The following NCR3 variants were observed in gnomAD, a reference collection of about 807,000 sequenced individuals.
The protein encoded by NCR3 is natural cytotoxicity triggering receptor 3.
A neutral mutation model predicts 16.1 loss-of-function variants in NCR3; 13 were observed. The ratio of observed to expected loss-of-function variants is 0.81; its 90% CI spans 0.53 to 1.28. The LOEUF is 1.28. Among genes scored for constraint, NCR3 ranks in the 50% most tolerant of loss-of-function variants. The pLI is 0.00. For synonymous variants in NCR3, 98 were observed against 106.6 expected (o/e 0.92, Z 0.50); for missense variants, 202 against 256.8 (o/e 0.79, Z 1.46).
At position 31,589,157 on chromosome 6, in the gene NCR3, T is replaced by TGG. The variant is rs1310130559; in HGVS notation, c.514_515dup (p.Arg173GlnfsTer88). The TGG allele has an allele frequency of 6.2e-7, 1 of 1,614,102 alleles. No individual in the cohort carries two copies. On this transcript the variant is annotated frameshift_variant, in exon 4 of 4. Transcript: ENST00000340027. LOFTEE classifies it low-confidence loss of function (END_TRUNC). The surrounding 1 kb of genome is among the most constrained non-coding windows in gnomAD (Gnocchi z 4.8). ...GGACCACAGCCGGCAGCTGCCTTCTTGGACCTTTCCAGGTCAGACCTGGTG... is the reference window on the plus strand; with the variant it reads ...GGACCACAGCCGGCAGCTGCCTTCTTGGGGACCTTTCCAGGTCAGACCTGGTG...
chr6:31,589,727 A>G lies in NCR3; in HGVS notation c.388+55T>C, dbSNP rs1238645444. On this transcript the variant is annotated intron_variant, in intron 2 of 3. Transcript: ENST00000340027. The surrounding 1 kb of genome is among the most constrained non-coding windows in gnomAD (Gnocchi z 4.8). ...AGAGGAGCATCCCTGCCTCCCAAGG[A>G]CATTGCCTCTTGGGGCCTCCAGCCA... The G allele has an allele frequency of 3.1e-6, 5 of 1,601,580 alleles. No individual in the cohort carries two copies. In the Admixed American group the frequency reaches 8.4e-5, roughly 27 times the overall value.
Position 31,592,698 on chromosome 6 carries a change from G to A in NCR3, c.24C>T (p.Ile8=), listed in dbSNP as rs1772723765. 1 of 1,612,914 alleles carries A rather than the reference G, an allele frequency of 6.2e-7. No individual in the cohort carries two copies. Among genetic ancestry groups the A allele is most frequent in the African/African-American group, 1.3e-5 (1 of 74,930 alleles). Residue 8 remains isoleucine (I), a synonymous_variant, in exon 1 of 4, where the codon ATC becomes ATT. Transcript: ENST00000340027. MAWMLLL[I]LIMVHPGSCA... is the part of the protein sequence containing the mutation. ...TGTCACCTGGATGGACCATGATCAAGATGAGCAACAGCATCCAGGCCATGT... is the reference window on the plus strand; with the variant it reads ...TGTCACCTGGATGGACCATGATCAAAATGAGCAACAGCATCCAGGCCATGT...
chr6:31,591,514 A>T (rs1562508056), intron 1 of NCR3, among the ~76,000 whole-genome samples: 1 of 152,218 alleles, frequency 6.6e-6, no homozygotes, highest in Non-Finnish European at 1.5e-5. Flanking sequence ...AAGGTCTCTC[A>T]GTTCATTAAA....
At position 31,588,975 on chromosome 6, in the gene NCR3, GC is replaced by G. The variant is rs1424387189; in HGVS notation, c.*91del. Reference sequence around the variant, plus strand: ...TTCAGGGACCCAAGCTCCCCTAACAGCCAGAAGAGGGTATGTGTGGGCCTGG... The same window carrying G: ...TTCAGGGACCCAAGCTCCCCTAACAGCAGAAGAGGGTATGTGTGGGCCTGG... On this transcript the variant is annotated 3_prime_UTR_variant, in exon 4 of 4. Transcript: ENST00000340027. The G allele has an allele frequency of 1.1e-5, 15 of 1,385,544 alleles. No homozygotes were observed. In the African/African-American group the frequency reaches 2.2e-4, roughly 20 times the overall value. The allele number at this position is 1,385,544 out of a possible 1,614,324, so 85.8% of individuals were successfully genotyped here.
intron 1 of NCR3, among the ~76,000 whole-genome samples, chr6:31,592,086 C>G (rs1409959282): frequency 6.6e-6 from 1 of 152,078 alleles, no homozygotes; most frequent in Non-Finnish European, 1.5e-5. Context: ...CCTGTCTCTA[C>G]TAAAAATACA....
At position 31,592,907 on chromosome 6, in the gene NCR3, T is replaced by C. The variant is rs1772742981; in HGVS notation, c.-186A>G. 6.1e-6 allele frequency: 4 copies of C among 659,716 alleles called. No individual in the cohort carries two copies. The South Asian group carries it at 6.9e-5, about 11-fold the overall frequency. The allele number at this position is 659,716 out of a possible 1,614,324, so 40.9% of individuals were successfully genotyped here. A position where few individuals can be genotyped will look rare whatever the true frequency, so the allele number is the denominator to read the frequency against. ...GCCAGGGACCTCGAGCATCAAATGC[T>C]TGCCTCCCTGAGGAGAGAGGACAGA... On this transcript the variant is annotated 5_prime_UTR_variant, in exon 1 of 4. Transcript: ENST00000340027.
At chr6:31,591,224 T>C (rs1041282469) in intron 1 of NCR3, among the ~76,000 whole-genome samples, 2 of 152,224 alleles carry the variant, frequency 1.3e-5, no homozygotes, top group Non-Finnish European at 2.9e-5. Flanking sequence ...TTGGTTGAGA[T>C]TCCTATTTAA....
Position 31,589,097 on chromosome 6 carries a change from T to C in NCR3, c.576A>G (p.Ala192=). 1 of 1,606,386 alleles carries C rather than the reference T, an allele frequency of 6.2e-7. No individual in the cohort carries two copies. The highest frequency in any genetic ancestry group is 8.5e-7 in the Non-Finnish European group (1 of 1,175,758). ...CTCCTGGGACTGGGGGAAGCAGATG[T>C]GCTGAGCTCCCACATGGTGGTGGGA... ...APLPPPCGSS[A]HLLPPVPGG The change falls in exon 4 of 4, where the codon GCA becomes GCG. Residue 192 remains alanine, a synonymous_variant. Transcript: ENST00000340027. This position sits in a 1 kb window ranked among gnomAD's most constrained non-coding sequence, Gnocchi z 4.8.
chr6:31,589,443 T>C lies in NCR3; in HGVS notation c.496+83A>G. The C allele has an allele frequency of 6.3e-7, 1 of 1,575,106 alleles. No homozygotes were observed. The highest frequency in any genetic ancestry group is 2.3e-5 in the East Asian group (1 of 42,998). The stretch of plus-strand genomic sequence containing the variant: ...GTGTTGCAGTCCCGAGGCTCTCCTC[T>C]TCCTGGTCTCTGTCCTCCCTCCTCC... On this transcript the variant is annotated intron_variant, in intron 3 of 3. Transcript: ENST00000340027. The surrounding 1 kb of genome is among the most constrained non-coding windows in gnomAD (Gnocchi z 4.8).
At chr6:31,592,475 TA>T (rs1347596842) in intron 1 of NCR3, among the ~76,000 whole-genome samples, 2 of 150,332 alleles carry the variant, frequency 1.3e-5, no homozygotes, top group Non-Finnish European at 3.0e-5. Context: ...TCTCTCAAAC[TA>T]AAAAGCCTCA....
rs1187085718 is a variant in NCR3, at chr6:31,592,971, G to T, written c.-250C>A. 1 of 588,330 alleles carries T rather than the reference G, an allele frequency of 1.7e-6. No individual in the cohort carries two copies. The highest frequency in any genetic ancestry group is 2.8e-5 in the Admixed American group (1 of 35,416). The allele number at this position is 588,330 out of a possible 1,614,324, so 36.4% of individuals were successfully genotyped here. ...GATGTCAGGGTCTCTAGGAGGCCAA[G>T]GGGCCAGCTTGTGGCAGGCTAGCTA... On this transcript the variant is annotated 5_prime_UTR_variant, in exon 1 of 4. Coordinates refer to ENST00000340027, the MANE Select transcript of NCR3 (RefSeq NM_147130.3).
Position 31,590,037 on chromosome 6 carries a change from G to A in NCR3, c.133C>T (p.Gln45Ter). 1.2e-6 allele frequency: 2 copies of A among 1,613,028 alleles called. No homozygotes were observed. The highest frequency in any genetic ancestry group is 2.2e-5 in the South Asian group (2 of 91,082). Residue 45 changes from glutamine (Q) to a stop codon, truncating the protein, a stop_gained, in exon 2 of 4, where the codon CAA (glutamine) becomes TAA (stop). Transcript: ENST00000340027. LOFTEE classifies it high-confidence loss of function. ...AFLPCSFNAS[Q>*]GRLAIGSVTW... The stretch of plus-strand genomic sequence containing the variant: ...ACGGAGCCAATGGCCAGTCTCCCTT[G>A]GCTGGCATTGAAGGAGCAGGGCAGG...
At position 31,589,450 on chromosome 6, in the gene NCR3, T is replaced by G. The variant is rs573110954; in HGVS notation, c.496+76A>C. ...AGTCCCGAGGCTCTCCTCTTCCTGG[T>G]CTCTGTCCTCCCTCCTCCCACTCTC... On this transcript the variant is annotated intron_variant, in intron 3 of 3. Coordinates refer to ENST00000340027, the MANE Select transcript of NCR3 (RefSeq NM_147130.3). This position sits in a 1 kb window ranked among gnomAD's most constrained non-coding sequence, Gnocchi z 4.8. The G allele has an allele frequency of 7.0e-6, 11 of 1,581,684 alleles. No individual in the cohort carries two copies. In the East Asian group the frequency reaches 2.3e-4, roughly 33 times the overall value.
Position 31,590,006 on chromosome 6 carries a change from C to A in NCR3, c.164G>T (p.Trp55Leu), listed in dbSNP as rs754343526. The A allele has an allele frequency of 6.2e-7, 1 of 1,613,084 alleles. No homozygotes were observed. Among genetic ancestry groups the A allele is most frequent in the South Asian group, 1.1e-5 (1 of 91,080 alleles). The change falls in exon 2 of 4, where the codon TGG (tryptophan) becomes TTG (leucine). Residue 55 changes from tryptophan to leucine, a missense_variant. Trp to Leu is a moderately conservative substitution (Grantham distance 61). Transcript: ENST00000340027. ...QGRLAIGSVT[W>L]FRDEVVPGKE... ...CCCTGGAACCACCTCATCTCGGAAC[C>A]ACGTGACGGAGCCAATGGCCAGTCT... is the stretch of plus-strand genomic sequence containing the variant.
At position 31,589,794 on chromosome 6, in the gene NCR3, C is replaced by T. The variant is rs1772457846; in HGVS notation, c.376G>A (p.Val126Met). The T allele has an allele frequency of 1.2e-6, 2 of 1,610,180 alleles. No homozygotes were observed. Among genetic ancestry groups the T allele is most frequent in the East Asian group, 2.2e-5 (1 of 44,824 alleles). Residue 126 changes from valine (V) to methionine (M), a missense_variant, in exon 2 of 4, where the codon GTG becomes ATG. Physicochemically the swap from Val to Met is conservative, Grantham distance 21. Transcript: ENST00000340027. The surrounding 1 kb of genome is among the most constrained non-coding windows in gnomAD (Gnocchi z 4.8). ...CCCAGCATCTCACCTTTCTCCACCA[C>T]CAGCCGAGTCCCATTCCCTGTCCCG... ...GVGTGNGTRL[V>M]VEKEHPQLGA...
rs375721578 is a variant in NCR3, at chr6:31,589,104, C to T, written c.569G>A (p.Ser190Asn). ...GACTGGGGGAAGCAGATGTGCTGAG[C>T]TCCCACATGGTGGTGGGAGGGGCGC... The part of the protein sequence containing the change: ...VPAPLPPPCG[S>N]SAHLLPPVPG... The change falls in exon 4 of 4, where the codon AGC (serine) becomes AAC (asparagine). Residue 190 changes from serine to asparagine, a missense_variant. By Grantham distance (46) the Ser-to-Asn change is conservative. Transcript: ENST00000340027. This position sits in a 1 kb window ranked among gnomAD's most constrained non-coding sequence, Gnocchi z 4.8. 10 of 1,608,678 alleles carry T rather than the reference C, an allele frequency of 6.2e-6. No individual in the cohort carries two copies. The African/African-American group carries it at 1.3e-4, about 22-fold the overall frequency.
Position 31,592,866 on chromosome 6 carries a change from G to T in NCR3, c.-145C>A. 1.3e-6 allele frequency: 1 copy of T among 790,624 alleles called. No homozygotes were observed. The highest frequency in any genetic ancestry group is 2.2e-6 in the Non-Finnish European group (1 of 464,238). 49.0% of individuals were successfully genotyped at this position (790,624 alleles called of 1,614,324 possible). On this transcript the variant is annotated 5_prime_UTR_variant, in exon 1 of 4. Transcript: ENST00000340027. Reference sequence around the variant, plus strand: ...GACACACGGGACTCACACATCACTTGCCAAGGACCACAACTGCCAGGGACC... The same window carrying T: ...GACACACGGGACTCACACATCACTTTCCAAGGACCACAACTGCCAGGGACC...
intron 1 of NCR3, among the ~76,000 whole-genome samples, chr6:31,591,311 T>A (rs772633222): frequency 6.6e-6 from 1 of 152,228 alleles, no homozygotes; most frequent in African/African-American, 2.4e-5. Context: ...TTACAAGTCA[T>A]TCTATTTCAG....
chr6:31,590,320 G>C lies in NCR3; in HGVS notation c.44-194C>G, dbSNP rs528160874. ...AACATTGCTTATTAAATCATTTTTC[G>C]GCTGGGTGCAGTGGCTCACGCCTGT... is the stretch of plus-strand genomic sequence containing the variant. On this transcript the variant is annotated intron_variant, in intron 1 of 3. Transcript: ENST00000340027. Among the ~76,000 whole-genome samples, 26 of 152,058 alleles carry C rather than the reference G, an allele frequency of 1.7e-4. 1 individual carries two copies. The South Asian group carries it at 5.0e-3, about 29-fold the overall frequency.
Sources: allele counts gnomAD v4.1 joint callset (sites outside exome capture counted in the v4.1 genomes callset), GRCh38; gene constraint gnomAD v4.1.1; non-coding constraint Gnocchi (gnomAD v3.1); transcripts MANE v1.5; gene names NCBI Gene and HGNC (gene_info 2026-07-23, HGNC 2026-07-21).